CUBN: variants seen among roughly 807,000 people sequenced by gnomAD.
The protein encoded by CUBN is 460 kDa receptor.
A neutral mutation model predicts 405.3 loss-of-function variants in CUBN; 282 were observed. The ratio of observed to expected loss-of-function variants is 0.70; its 90% CI spans 0.63 to 0.77. The LOEUF (loss-of-function observed/expected upper bound fraction) is 0.77. Among genes scored for constraint, CUBN ranks in the 30% least tolerant of loss-of-function variants. The pLI is 0.00. For synonymous variants in CUBN, 1,684 were observed against 1,617.0 expected (o/e 1.04, Z -0.99); for missense variants, 4,514 against 4,475.2 (o/e 1.01, Z -0.25).
At chr10:16,937,313 T>G (rs183837483) in intron 39 of CUBN, among the ~76,000 whole-genome samples, 1 of 152,288 alleles carries the variant, frequency 6.6e-6, no homozygotes, top group African/African-American at 2.4e-5. Flanking sequence ...TTTCAGGGAT[T>G]TCTAAAGTGG....
At chr10:16,877,163 T>A in intron 56 of CUBN, 66 bp from the exon 57 acceptor site, 1 of 1,397,792 alleles carries the variant, frequency 7.2e-7, no homozygotes, top group Non-Finnish European at 9.9e-7. Flanking sequence ...GCCATAAAAA[T>A]AAAAACAAAA....
chr10:16,874,240 G>A, intron 58 of CUBN, 134 bp downstream of exon 58: 1 of 973,552 alleles, frequency 1.0e-6, no homozygotes, highest in African/African-American at 1.6e-5. Flanking sequence ...CTGTCATCTA[G>A]GAACATCACT....
chr10:16,825,885 T>TA (rs1838762282), intron 66 of CUBN, among the ~76,000 whole-genome samples: 3 of 150,162 alleles, frequency 2.0e-5, no homozygotes, highest in Non-Finnish European at 4.4e-5. Flanking sequence ...TCCAAGATAC[T>TA]CACTTACTCA....
In CUBN at chr10:16,925,390, A is replaced by G. The variant is rs977608598; in HGVS notation, c.6497T>C (p.Leu2166Ser). 8 of 1,613,878 alleles carry G rather than the reference A, an allele frequency of 5.0e-6. No individual in the cohort carries two copies. In the Admixed American group the frequency reaches 1.3e-4, roughly 27 times the overall value. ...ATGACCATTTCCTCCAGGGGGTCCCAAGGGTGGAGAACAGATATCAGGACC... is the reference window on the plus strand; with the variant it reads ...ATGACCATTTCCTCCAGGGGGTCCCGAGGGTGGAGAACAGATATCAGGACC... Reference protein sequence around the residue: ...RNGPDICSPPLGPPGGNGHFC... With the variant: ...RNGPDICSPPSGPPGGNGHFC... Residue 2166 changes from leucine (L) to serine (S), a missense_variant, in exon 43 of 67, where the codon TTG (leucine) becomes TCG (serine). Coordinates refer to ENST00000377833, the MANE Select transcript of CUBN (RefSeq NM_001081.4).
rs886046871 is a variant in CUBN at position 16,916,034 on chromosome 10, C to T, written c.7001-4G>A. ...GGTACTCTTCCCCCACACTGAGCTG[C>T]AAAAAATAAAAATAAATAAATAAAT... is the stretch of plus-strand genomic sequence containing the variant. On this transcript the variant is annotated splice_polypyrimidine_tract_variant and splice_region_variant and intron_variant, in intron 45 of 66. Transcript: ENST00000377833. The T allele has an allele frequency of 3.1e-5, 50 of 1,610,094 alleles. No homozygotes were observed. Among genetic ancestry groups the T allele is most frequent in the Non-Finnish European group, 4.2e-5 (49 of 1,178,154 alleles).
chr10:16,849,757 G>A (rs1056701946), intron 60 of CUBN, among the ~76,000 whole-genome samples: 3 of 152,060 alleles, frequency 2.0e-5, no homozygotes, highest in African/African-American at 7.2e-5. Flanking sequence ...TTCTCACCTA[G>A]GAGGGACCTC....
chr10:17,057,655 G>A (rs1477561783), intron 22 of CUBN, among the ~76,000 whole-genome samples: 1 of 151,970 alleles, frequency 6.6e-6, no homozygotes, highest in Non-Finnish European at 1.5e-5. Context: ...AATGTTCATG[G>A]TAGCTTTTTT....
chr10:16,840,128 A>G lies in CUBN; in HGVS notation c.10032+202T>C, dbSNP rs184179599. Among the ~76,000 whole-genome samples the G allele has an allele frequency of 0.031, 4,670 of 151,698 alleles. 102 individuals carry two copies. The highest frequency in any genetic ancestry group is 0.075 in the Middle Eastern group (22 of 294). ...TAGGAGATATACCTAATGTTAAATG[A>G]CGAGTTAATGGGTGCAGCACACCAA... On this transcript the variant is annotated intron_variant, in intron 62 of 66. Transcript: ENST00000377833.
At chr10:16,960,773 G>C (rs1192687298) in intron 31 of CUBN, among the ~76,000 whole-genome samples, 1 of 152,132 alleles carries the variant, frequency 6.6e-6, no homozygotes, top group African/African-American at 2.4e-5. Context: ...GTCACAGGGG[G>C]ACGGAGGTCA....
intron 57 of CUBN, among the ~76,000 whole-genome samples, chr10:16,876,035 A>G (rs1038878370): frequency 6.6e-6 from 1 of 152,206 alleles, no homozygotes; most frequent in Non-Finnish European, 1.5e-5. Flanking sequence ...AGCTAATGTG[A>G]ACAAATTATG....
intron 31 of CUBN, among the ~76,000 whole-genome samples, chr10:16,961,056 A>C (rs551821129): frequency 1.3e-5 from 2 of 152,298 alleles, no homozygotes; most frequent in East Asian, 3.9e-4. Flanking sequence ...AACATTTATG[A>C]AATTTCTTTT....
Position 17,100,255 on chromosome 10 carries a change from C to T in CUBN, c.1531-16G>A. 6 of 1,486,826 alleles carry T rather than the reference C, an allele frequency of 4.0e-6. No homozygotes were observed. The highest frequency in any genetic ancestry group is 1.1e-5 in the South Asian group (1 of 88,348). The allele number at this position is 1,486,826 out of a possible 1,614,324, so 92.1% of individuals were successfully genotyped here. On this transcript the variant is annotated splice_polypyrimidine_tract_variant and intron_variant, in intron 13 of 66. Coordinates refer to ENST00000377833, the MANE Select transcript of CUBN (RefSeq NM_001081.4). ...TACGCAGGACCTAAAAATACAAAGG[C>T]CACATATATTATCTTTTACTTCCAT... is the stretch of plus-strand genomic sequence containing the variant.
chr10:17,123,551 C>CTTGA (rs1837094379), intron 5 of CUBN, 37 bp downstream of exon 5: 1 of 1,439,918 alleles, frequency 6.9e-7, no homozygotes, highest in Non-Finnish European at 9.8e-7. Context: ...CAGATGCTGA[C>CTTGA]CTGCCATCAT....
chr10:16,923,315 C>A (rs1370994541), intron 43 of CUBN, among the ~76,000 whole-genome samples: 1 of 152,128 alleles, frequency 6.6e-6, no homozygotes, highest in Non-Finnish European at 1.5e-5. Flanking sequence ...TCCTAGAAAT[C>A]TCAATCAACC....
In CUBN at chr10:16,990,489, T is replaced by C; in HGVS notation, c.4195A>G (p.Thr1399Ala). The C allele has an allele frequency of 6.2e-7, 1 of 1,614,180 alleles. No individual in the cohort carries two copies. The highest frequency in any genetic ancestry group is 8.5e-7 in the Non-Finnish European group (1 of 1,180,032). The change falls in exon 29 of 67, where the codon ACA becomes GCA. Residue 1399 changes from threonine to alanine, a missense_variant. Thr to Ala is a moderately conservative substitution (Grantham distance 58). This residue lies in a region of CUBN where 1,613 missense variants were observed against 1,542.8 expected (regional missense o/e 1.05). Transcript: ENST00000377833. ...AACCCGGGGCTGCTGAAGGAGCCTG[T>C]GGCCCCAGACAGCTCTCCACCACAA... ...YGCGGELSGA[T>A]GSFSSPGFPN...
intron 31 of CUBN, among the ~76,000 whole-genome samples, chr10:16,970,544 CCAGCCTGGG>C (rs1474873958): frequency 1.4e-5 from 2 of 145,750 alleles, no homozygotes; most frequent in Non-Finnish European, 3.0e-5. Context: ...CCTTTGCACT[CCAGCCTGGG>C]CAACAAGAGT....
intron 28 of CUBN, among the ~76,000 whole-genome samples, chr10:16,990,887 G>A (rs1833564725): frequency 2.6e-5 from 4 of 152,152 alleles, no homozygotes; most frequent in African/African-American, 7.2e-5. Flanking sequence ...CGTGTGAGCC[G>A]TGGTCGTGAA....
At position 17,084,137 on chromosome 10, in the gene CUBN, T is replaced by A. The variant is rs372723329; in HGVS notation, c.2301+134A>T. On this transcript the variant is annotated intron_variant, in intron 17 of 66. Transcript: ENST00000377833. ...TGCACCTTAGTCATTAGAGCTTAGT[T>A]ATTATTGTATTTCTAACAAGCTCTC... 2.2e-4 allele frequency: 184 copies of A among 821,356 alleles called. No individual in the cohort carries two copies. The African/African-American group carries it at 2.7e-3, about 12-fold the overall frequency. 50.9% of individuals were successfully genotyped at this position (821,356 alleles called of 1,614,324 possible). A position where few individuals can be genotyped will look rare whatever the true frequency, so the allele number is the denominator to read the frequency against.
intron 59 of CUBN, 56 bp from the exon 60 acceptor site, chr10:16,851,499 T>C (rs1380704802): frequency 2.1e-6 from 3 of 1,455,156 alleles, no homozygotes; most frequent in Admixed American, 1.7e-5. Flanking sequence ...CCTTACATTG[T>C]ACATGGAGGG....
Sources: gnomAD v4.1 joint callset for allele counts (sites outside exome capture counted in the v4.1 genomes callset) on GRCh38, gnomAD v4.1.1 for gene constraint, gnomAD v4.1.1 regional missense constraint, MANE v1.5 for transcripts, NCBI Gene and HGNC (gene_info 2026-07-23, HGNC 2026-07-21) for gene names.